Variants in ANKRD13B observed in about 807,000 individuals in gnomAD.
ANKRD13B encodes ankyrin repeat domain 13B.
In ANKRD13B, 33 loss-of-function variants were observed where a neutral mutation model predicts 74.4. The ratio of observed to expected loss-of-function variants is 0.44; its 90% CI spans 0.34 to 0.59. The LOEUF (loss-of-function observed/expected upper bound fraction) is 0.59. ANKRD13B is among the 20% of genes least tolerant of loss of function. The probability of loss-of-function intolerance (pLI) is 0.02; values close to 1 mark genes in which losing one functional copy is unlikely to be tolerated. For synonymous variants in ANKRD13B, 341 were observed against 362.9 expected (o/e 0.94, Z 0.68); for missense variants, 676 against 877.9 (o/e 0.77, Z 2.91).
intron 1 of ANKRD13B, among the ~76,000 whole-genome samples, chr17:29,604,908 C>T (rs2034315341): frequency 1.3e-5 from 2 of 152,206 alleles, no homozygotes; most frequent in South Asian, 4.1e-4. Flanking sequence ...TAGTTTAGCT[C>T]TACTGCTAAG....
At chr17:29,595,975 G>A (rs978423881) in intron 1 of ANKRD13B, among the ~76,000 whole-genome samples, 3 of 152,170 alleles carry the variant, frequency 2.0e-5, no homozygotes. Context: ...CCTGGGGACA[G>A]CCACCTAACA....
rs2034740306 is a variant in ANKRD13B, at chr17:29,614,487, AC to A, written c.*908del. 6.7e-6 allele frequency: 1 copy of A among 150,028 alleles called. No homozygotes were observed. The highest frequency in any genetic ancestry group is 2.5e-5 in the African/African-American group (1 of 40,568). 9.3% of individuals were successfully genotyped at this position (150,028 alleles called of 1,614,324 possible). A position where few individuals can be genotyped will look rare whatever the true frequency, so the allele number is the denominator to read the frequency against. On this transcript the variant is annotated 3_prime_UTR_variant, in exon 15 of 15. Transcript: ENST00000394859. ...CCCCCACACGGAGACTGACTCTAAA[AC>A]CCTTCATCCAATGGTGCTAACCCCC...
chr17:29,607,893 C>T lies in ANKRD13B; in HGVS notation c.250+16C>T, dbSNP rs2034445283. The T allele has an allele frequency of 1.3e-6, 2 of 1,585,220 alleles. No individual in the cohort carries two copies. The highest frequency in any genetic ancestry group is 1.7e-6 in the Non-Finnish European group (2 of 1,164,290). On this transcript the variant is annotated intron_variant, in intron 2 of 14. Coordinates refer to ENST00000394859, the MANE Select transcript of ANKRD13B (RefSeq NM_152345.5). ...GGCTGGACAGGTGGGCAGCCCTGCT[C>T]ACCCCAGCCCCACAGCCGGGGCCTC...
At chr17:29,602,267 T>C (rs531594103) in intron 1 of ANKRD13B, among the ~76,000 whole-genome samples, 4 of 151,826 alleles carry the variant, frequency 2.6e-5, no homozygotes, top group Admixed American at 6.6e-5. Flanking sequence ...TGGTGGTGGG[T>C]GCCTGTAATC....
chr17:29,607,263 G>A (rs759580279), intron 1 of ANKRD13B, among the ~76,000 whole-genome samples: 12 of 152,180 alleles, frequency 7.9e-5, no homozygotes, highest in Admixed American at 3.3e-4. Flanking sequence ...TACTGTAACC[G>A]TTTGTTAAAC....
At chr17:29,593,895 A>ATGGGAGCGGGCCCTGCGCGC in intron 1 of ANKRD13B, 160 bp downstream of exon 1, 1 of 315,506 alleles carries the variant, frequency 3.2e-6, no homozygotes, top group Non-Finnish European at 5.6e-6. Context: ...GGAAAGGGTG[A>ATGGGAGCGGGCCCTGCGCGC]TCCCCTCCGG....
intron 1 of ANKRD13B, among the ~76,000 whole-genome samples, chr17:29,605,415 A>C (rs940560634): frequency 1.7e-4 from 26 of 149,604 alleles, no homozygotes; most frequent in African/African-American, 5.4e-4. Context: ...TACACACACA[A>C]ACACACACAC....
In ANKRD13B at chr17:29,612,550, C is replaced by G; in HGVS notation, c.1407C>G (p.Ser469=). 1 of 1,548,970 alleles carries G rather than the reference C, an allele frequency of 6.5e-7. No homozygotes were observed. The highest frequency in any genetic ancestry group is 8.7e-7 in the Non-Finnish European group (1 of 1,146,666). The stretch of plus-strand genomic sequence containing the variant: ...CCTCCAGCGTCAGCAGCTCCAGCTC[C>G]ACGAGTGAGGCCCCCCGCGAGAACG... The part of the protein sequence containing the change: ...SDSSSVSSSS[S]TTSCRGCEIS... Residue 469 remains serine, a synonymous_variant, in exon 12 of 15, where the codon TCC becomes TCG. Transcript: ENST00000394859. The surrounding 1 kb of genome is among the most constrained non-coding windows in gnomAD (Gnocchi z 6.1).
At chr17:29,596,029 TCCCTGGCCTCTAGTCC>T (rs1567783871) in intron 1 of ANKRD13B, among the ~76,000 whole-genome samples, 45 of 152,012 alleles carry the variant, frequency 3.0e-4, no homozygotes, top group African/African-American at 1.1e-3. Flanking sequence ...CAGCCAGGGG[TCCCTGGCCTCTAGTCC>T]CCCTGGTACC....
At chr17:29,606,288 G>C (rs1047397511) in intron 1 of ANKRD13B, among the ~76,000 whole-genome samples, 1 of 151,866 alleles carries the variant, frequency 6.6e-6, no homozygotes, top group Non-Finnish European at 1.5e-5. Flanking sequence ...ACCGGGCGTG[G>C]TGGCTCACGC....
intron 1 of ANKRD13B, among the ~76,000 whole-genome samples, chr17:29,606,177 C>T (rs1334452535): frequency 6.6e-6 from 1 of 151,678 alleles, no homozygotes. Context: ...TCCCAAAGTG[C>T]TGGGATTACA....
chr17:29,605,571 G>A (rs1410338443), intron 1 of ANKRD13B, among the ~76,000 whole-genome samples: 3 of 152,112 alleles, frequency 2.0e-5, no homozygotes, highest in South Asian at 2.1e-4. Flanking sequence ...AGGCTTAAGC[G>A]ATCCTCCCAC....
rs1377239073 is a variant in ANKRD13B, at chr17:29,612,738, A to G, written c.1498A>G (p.Thr500Ala). ...GATGGGCGGCCAGCGGGAGGCGGCG[A>G]CCCGGGACGACGACGACGACCTGCT... ...SMMGGQREAATRDDDDDLLQF... is the reference protein window; with the variant it reads ...SMMGGQREAAARDDDDDLLQF... Residue 500 changes from threonine to alanine, a missense_variant, in exon 13 of 15, where the codon ACC becomes GCC. Thr to Ala is a moderately conservative substitution (Grantham distance 58). This residue lies in a region of ANKRD13B where 152 missense variants were observed against 181.4 expected (regional missense o/e 0.84). Coordinates refer to ENST00000394859, the MANE Select transcript of ANKRD13B (RefSeq NM_152345.5). The surrounding 1 kb of genome is among the most constrained non-coding windows in gnomAD (Gnocchi z 6.1). 3.1e-6 allele frequency: 5 copies of G among 1,601,000 alleles called. No individual in the cohort carries two copies. The African/African-American group carries it at 5.3e-5, about 17-fold the overall frequency.
chr17:29,612,035 G>A lies in ANKRD13B; in HGVS notation c.1100+29G>A, dbSNP rs758262349. On this transcript the variant is annotated intron_variant, in intron 10 of 14. Transcript: ENST00000394859. The surrounding 1 kb of genome is among the most constrained non-coding windows in gnomAD (Gnocchi z 6.1). ...AGGCCCCTGCCGGTGCTGGGAAGGT[G>A]GGGGGCCGGGGCTCCAGGAGATGCT... 1.2e-6 allele frequency: 2 copies of A among 1,608,214 alleles called. No individual in the cohort carries two copies. The highest frequency in any genetic ancestry group is 8.5e-7 in the Non-Finnish European group (1 of 1,176,554).
intron 1 of ANKRD13B, among the ~76,000 whole-genome samples, chr17:29,599,877 T>TG (rs1472792655): frequency 1.6e-5 from 2 of 122,744 alleles, no homozygotes; most frequent in African/African-American, 3.4e-5. Flanking sequence ...TTTTTTTTTT[T>TG]TTTTTTTTTT....
At position 29,607,828 on chromosome 17, in the gene ANKRD13B, C is replaced by T; in HGVS notation, c.201C>T (p.Leu67=). The T allele has an allele frequency of 1.2e-6, 2 of 1,605,172 alleles. No individual in the cohort carries two copies. The highest frequency in any genetic ancestry group is 1.7e-6 in the Non-Finnish European group (2 of 1,179,588). Residue 67 remains leucine, a synonymous_variant, in exon 2 of 15, where the codon CTC becomes CTT. Transcript: ENST00000394859. ...TLGHLECARV[L]LAHGADVGRE... is the part of the protein sequence containing the mutation. ...GGCACCTTGAGTGTGCCCGTGTGCTCCTGGCGCACGGCGCAGACGTGGGCA... is the reference window on the plus strand; with the variant it reads ...GGCACCTTGAGTGTGCCCGTGTGCTTCTGGCGCACGGCGCAGACGTGGGCA...
chr17:29,596,403 G>A (rs918552659), intron 1 of ANKRD13B, among the ~76,000 whole-genome samples: 4 of 152,250 alleles, frequency 2.6e-5, no homozygotes, highest in African/African-American at 9.6e-5. Context: ...GGGGGGACAG[G>A]GTTGTAAGCC....
chr17:29,606,062 G>A (rs2034361404), intron 1 of ANKRD13B, among the ~76,000 whole-genome samples: 2 of 151,732 alleles, frequency 1.3e-5, no homozygotes, highest in Admixed American at 6.6e-5. Flanking sequence ...ACAGGCATGG[G>A]CCACCACGCC....
In ANKRD13B at chr17:29,612,069, AT is replaced by A; in HGVS notation, c.1101-46del. ...GGGCTCCAGGAGATGCTGGGAGGCC[AT>A]GGCTTCCTGCAGTGTCCCTTACCCC... On this transcript the variant is annotated intron_variant, in intron 10 of 14. Transcript: ENST00000394859. This position sits in a 1 kb window ranked among gnomAD's most constrained non-coding sequence, Gnocchi z 6.1. The A allele has an allele frequency of 6.2e-7, 1 of 1,609,244 alleles. No individual in the cohort carries two copies. Among genetic ancestry groups the A allele is most frequent in the East Asian group, 2.2e-5 (1 of 44,704 alleles).
Sources: allele counts gnomAD v4.1 joint callset (sites outside exome capture counted in the v4.1 genomes callset), GRCh38; gene constraint gnomAD v4.1.1; regional missense constraint gnomAD v4.1.1; non-coding constraint Gnocchi (gnomAD v3.1); transcripts MANE v1.5; gene names NCBI Gene and HGNC (gene_info 2026-07-23, HGNC 2026-07-21).